Variants in ROBO2 observed in about 807,000 individuals in gnomAD.
ROBO2 encodes roundabout guidance receptor 2, also known as roundabout homolog 2.
Under a neutral mutation model 160.8 loss-of-function variants are expected in ROBO2, and 53 were observed. The observed-to-expected ratio is 0.33, with a 90% CI of 0.26 to 0.41. The LOEUF (loss-of-function observed/expected upper bound fraction) is 0.41. Ranked by LOEUF, ROBO2 falls within the 10% of genes least tolerant of loss-of-function variation. The pLI is 1.00. For synonymous variants in ROBO2, 664 were observed against 611.7 expected, an observed-to-expected ratio of 1.09 and a Z score of -1.26; for missense variants, 1,577 against 1,722.4, an observed-to-expected ratio of 0.92 and a Z score of 1.49.
At chr3:76,699,414 A>T (rs780736443) in intron 2 of ROBO2, among the ~76,000 whole-genome samples, 2 of 134,550 alleles carry the variant, frequency 1.5e-5, no homozygotes, top group Non-Finnish European at 1.7e-5. Flanking sequence ...CCTTCATCTC[A>T]TGAAGACTTT....
chr3:77,463,106 G>T (rs1291471027), intron 2 of ROBO2, among the ~76,000 whole-genome samples: 2 of 151,988 alleles, frequency 1.3e-5, no homozygotes, highest in African/African-American at 4.8e-5. Flanking sequence ...GAAATATCTT[G>T]TACTCCTAAA....
intron 2 of ROBO2, among the ~76,000 whole-genome samples, chr3:77,149,184 G>A (rs986912023): frequency 3.3e-5 from 5 of 151,514 alleles, no homozygotes; most frequent in African/African-American, 1.2e-4. Context: ...ACAGGTGCAC[G>A]CCACCACGCC....
Position 77,634,853 on chromosome 3 carries a change from C to T in ROBO2, c.3761-17C>T, listed in dbSNP as rs2095236034. 1.2e-6 allele frequency: 2 copies of T among 1,613,362 alleles called. No individual in the cohort carries two copies. The highest frequency in any genetic ancestry group is 4.5e-5 in the East Asian group (2 of 44,864). ...AATGTCATTCTCTAGAACCCATTCC[C>T]TTTATTTTCATTTTAGGAAAAGCCT... is the stretch of plus-strand genomic sequence containing the variant. On this transcript the variant is annotated splice_polypyrimidine_tract_variant and intron_variant, in intron 23 of 25. Transcript: ENST00000461745.
At chr3:77,458,687 A>T (rs1204979502) in intron 2 of ROBO2, among the ~76,000 whole-genome samples, 4 of 152,148 alleles carry the variant, frequency 2.6e-5, no homozygotes, top group Non-Finnish European at 4.4e-5. Context: ...ATTTTGAATT[A>T]AAAATAGATT....
chr3:76,736,196 G>T (rs1478660310), intron 2 of ROBO2, among the ~76,000 whole-genome samples: 2 of 151,562 alleles, frequency 1.3e-5, no homozygotes, highest in South Asian at 2.1e-4. Flanking sequence ...GCAGGAGAAT[G>T]GGGGGAACCC....
intron 2 of ROBO2, among the ~76,000 whole-genome samples, chr3:76,391,316 G>T (rs1204975855): frequency 6.6e-6 from 1 of 152,130 alleles, no homozygotes; most frequent in African/African-American, 2.4e-5. Context: ...GACTAAGACC[G>T]ATTATGAGTG....
At position 77,022,018 on chromosome 3, in the gene ROBO2, ATTGT is replaced by A. The variant is rs542021011; in HGVS notation, c.110-75992_110-75989del. Among the ~76,000 whole-genome samples, 315 of 152,216 alleles carry A rather than the reference ATTGT, an allele frequency of 2.1e-3. 3 individuals carry two copies. The highest frequency in any genetic ancestry group is 0.01 in the Middle Eastern group (3 of 292). On this transcript the variant is annotated intron_variant, in intron 2 of 26. Transcript: ENST00000487694. ...CACTTTAGGAGGCAGAAGTGGGAGG[ATTGT>A]TTGAGCTCAAGAGTTCAAGACCAGC...
chr3:77,136,441 C>G (rs1162418697), intron 2 of ROBO2, among the ~76,000 whole-genome samples: 3 of 117,276 alleles, frequency 2.6e-5, no homozygotes, highest in African/African-American at 6.5e-5. Flanking sequence ...TAATTCATAT[C>G]TTTTCCTATA....
At chr3:76,396,304 G>A (rs2077444294) in intron 2 of ROBO2, among the ~76,000 whole-genome samples, 1 of 152,036 alleles carries the variant, frequency 6.6e-6, no homozygotes, top group African/African-American at 2.4e-5. Flanking sequence ...AATAAATTAG[G>A]TATTGATGGG....
chr3:77,639,869 C>G (rs952463847), intron 24 of ROBO2, among the ~76,000 whole-genome samples: 8 of 152,056 alleles, frequency 5.3e-5, no homozygotes, highest in African/African-American at 1.9e-4. Flanking sequence ...CTAAATGAGG[C>G]AAGGTGGAGA....
rs997144724 is a variant in ROBO2 at position 77,424,413 on chromosome 3, G to A, written c.389-53001G>A. On this transcript the variant is annotated intron_variant, in intron 2 of 25. Coordinates refer to ENST00000461745, the Ensembl canonical transcript of ROBO2. ...TTACAAAGTATATGCTTTTACCCAG[G>A]GGATATATACTTGTTGGCTTTCTTA... Among the ~76,000 whole-genome samples, 11 of 152,218 alleles carry A rather than the reference G, an allele frequency of 7.2e-5. No individual in the cohort carries two copies. In the East Asian group the frequency reaches 1.9e-3, roughly 27 times the overall value.
chr3:77,581,116 T>C (rs812888), intron 16 of ROBO2, among the ~76,000 whole-genome samples: 90,126 of 151,898 alleles, frequency 0.59, 26,831 homozygotes, highest in Middle Eastern at 0.71. Flanking sequence ...TTATTGGCCA[T>C]TCACATAATT....
chr3:76,116,739 A>G (rs1323603677), intron 2 of ROBO2, among the ~76,000 whole-genome samples: 1 of 152,176 alleles, frequency 6.6e-6, no homozygotes, highest in Non-Finnish European at 1.5e-5. Flanking sequence ...GAATTAAACT[A>G]CTTTTGCAGG....
chr3:76,538,684 A>G (rs2082651533), intron 2 of ROBO2, among the ~76,000 whole-genome samples: 1 of 152,144 alleles, frequency 6.6e-6, no homozygotes, highest in African/African-American at 2.4e-5. Flanking sequence ...TAAACCCGTC[A>G]CTGTGTTATT....
intron 2 of ROBO2, among the ~76,000 whole-genome samples, chr3:76,132,871 A>C (rs545575451): frequency 2.0e-5 from 3 of 152,130 alleles, no homozygotes; most frequent in Non-Finnish European, 4.4e-5. Flanking sequence ...AGTGGAAGCA[A>C]GTGAGCCATG....
chr3:77,164,933 G>A (rs777605343), intron 2 of ROBO2, among the ~76,000 whole-genome samples: 2,338 of 58,806 alleles, frequency 0.04, 211 homozygotes, highest in Middle Eastern at 0.12. Context: ...CCGGGAGGGA[G>A]GTGGGGGCGG....
intron 2 of ROBO2, among the ~76,000 whole-genome samples, chr3:77,381,402 G>A (rs771926095): frequency 3.3e-5 from 5 of 152,120 alleles, no homozygotes; most frequent in East Asian, 3.9e-4. Flanking sequence ...CTAGGATGCC[G>A]TATTAGTCCA....
intron 2 of ROBO2, among the ~76,000 whole-genome samples, chr3:75,966,055 G>C (rs1949098176): frequency 6.6e-6 from 1 of 151,650 alleles, no homozygotes; most frequent in Non-Finnish European, 1.5e-5. Context: ...ATTTCTGCGA[G>C]AGGTCACAAG....
chr3:76,885,569 A>G (rs1559650937), intron 2 of ROBO2, among the ~76,000 whole-genome samples: 1 of 152,178 alleles, frequency 6.6e-6, no homozygotes, highest in African/African-American at 2.4e-5. Flanking sequence ...AAAAATACCA[A>G]TGTTCACACA....
Sources: allele counts gnomAD v4.1 joint callset (sites outside exome capture counted in the v4.1 genomes callset), GRCh38; gene constraint gnomAD v4.1.1; transcripts MANE v1.5; gene names NCBI Gene and HGNC (gene_info 2026-07-23, HGNC 2026-07-21).